The following SGCD variants were observed in gnomAD, a reference collection of about 807,000 sequenced individuals.
SGCD encodes the protein delta-sarcoglycan.
SGCD carries 18 observed loss-of-function variants against 36.6 expected under a neutral mutation model. The observed-to-expected ratio is 0.49, with a 90% CI of 0.34 to 0.73. The LOEUF is 0.73. Ranked by LOEUF, SGCD falls within the 30% of genes least tolerant of loss-of-function variation. The pLI is 0.01. For missense variants in SGCD, 387 were observed against 346.7 expected (o/e 1.12, Z -0.92); for synonymous variants, 133 against 130.6 (o/e 1.02, Z -0.12).
intron 3 of SGCD, among the ~76,000 whole-genome samples, chr5:156,381,632 T>C (rs571030034): frequency 6.6e-6 from 1 of 152,302 alleles, no homozygotes; most frequent in East Asian, 1.9e-4. Context: ...ATATGACACA[T>C]ATAGTTGAGC....
intron 1 of SGCD, among the ~76,000 whole-genome samples, chr5:155,878,704 C>T (rs528673984): frequency 6.6e-6 from 1 of 152,192 alleles, no homozygotes; most frequent in South Asian, 2.1e-4. Flanking sequence ...GATTGCCAGC[C>T]AATGGTGTCT....
chr5:156,643,108 C>A (rs1277890792), intron 6 of SGCD, among the ~76,000 whole-genome samples: 1 of 149,612 alleles, frequency 6.7e-6, no homozygotes, highest in Non-Finnish European at 1.5e-5. Context: ...TCTTGGCTCA[C>A]TGCAACCTCC....
intron 1 of SGCD, among the ~76,000 whole-genome samples, chr5:155,956,800 C>T (rs1047913057): frequency 1.5e-5 from 2 of 131,912 alleles, no homozygotes; most frequent in Non-Finnish European, 3.4e-5. Flanking sequence ...ACTCAGGGCC[C>T]CCCCCCCCGG....
chr5:156,627,238 G>A (rs1762471202), intron 6 of SGCD, among the ~76,000 whole-genome samples: 1 of 152,112 alleles, frequency 6.6e-6, no homozygotes, highest in African/African-American at 2.4e-5. Flanking sequence ...AGGGGTTTTT[G>A]CATTGCCTGA....
chr5:156,554,713 T>C lies in SGCD; in HGVS notation c.295-34518T>C, dbSNP rs139783174. Among the ~76,000 whole-genome samples the C allele has an allele frequency of 1.3e-3, 196 of 151,482 alleles. 1 individual carries two copies. The highest frequency in any genetic ancestry group is 2.5e-3 in the Non-Finnish European group (168 of 67,862). On this transcript the variant is annotated intron_variant, in intron 4 of 8. Transcript: ENST00000337851. ...GGTTTCAAGCATCCATTGTGGATCT[T>C]TGAATGTATTCCCTGAAGATAAGGG...
At chr5:156,423,248 A>AATATTATATTTTATTATAATATAACATT (rs1561685456) in intron 3 of SGCD, among the ~76,000 whole-genome samples, 2 of 83,216 alleles carry the variant, frequency 2.4e-5, no homozygotes, top group Non-Finnish European at 4.6e-5. Flanking sequence ...TATATTTTAT[A>AATATTATATTTTATTATAATATAACATT]ATATTATATT....
intron 1 of SGCD, among the ~76,000 whole-genome samples, chr5:155,892,635 G>C (rs529191592): frequency 2.0e-5 from 3 of 152,116 alleles, no homozygotes; most frequent in Non-Finnish European, 2.9e-5. Flanking sequence ...CTAGAATTTG[G>C]AATTTTTGTG....
chr5:155,869,622 T>G (rs965541653), upstream of SGCD, among the ~76,000 whole-genome samples: 7 of 150,028 alleles, frequency 4.7e-5, no homozygotes, highest in Admixed American at 3.4e-4. Flanking sequence ...TGGCACATTA[T>G]TAAGCTGTCT....
intron 3 of SGCD, among the ~76,000 whole-genome samples, chr5:156,363,287 T>G (rs1769906056): frequency 6.6e-6 from 1 of 152,220 alleles, no homozygotes; most frequent in Admixed American, 6.5e-5. Flanking sequence ...AACTCACGTA[T>G]TTCTAAAAGT....
chr5:156,076,850 C>A lies in SGCD; in HGVS notation c.-281-41028C>A, dbSNP rs527334586. ...GCTAGAGACACTTTTTGATGTGAAT[C>A]TGGAGCCTTCTGTATAAGGCGTCAA... is the stretch of plus-strand genomic sequence containing the variant. On this transcript the variant is annotated intron_variant, in intron 1 of 9. Transcript: ENST00000517913. Among the ~76,000 whole-genome samples the A allele has an allele frequency of 3.9e-5, 6 of 152,250 alleles. No homozygotes were observed. The East Asian group carries it at 1.2e-3, about 29-fold the overall frequency.
At chr5:156,186,292 G>A (rs1476012811) in intron 3 of SGCD, among the ~76,000 whole-genome samples, 2 of 152,054 alleles carry the variant, frequency 1.3e-5, no homozygotes, top group African/African-American at 4.8e-5. Flanking sequence ...TGTGACTGGT[G>A]GGTAGTTGGG....
chr5:156,202,095 A>G (rs898006534), intron 3 of SGCD, among the ~76,000 whole-genome samples: 4 of 152,176 alleles, frequency 2.6e-5, no homozygotes, highest in African/African-American at 9.7e-5. Flanking sequence ...AACATTTCTA[A>G]TACTCTGGTT....
the SGCD span, among the ~76,000 whole-genome samples, chr5:155,730,475 G>GTGTGTGTGTGTGTGTGTGTGTGT: frequency 1.6e-4 from 24 of 151,184 alleles, no homozygotes; most frequent in South Asian, 2.1e-4. Context: ...GTGTGTGTGT[G>GTGTGTGTGTGTGTGTGTGTGTGT]GCGAGGGGAA....
chr5:156,089,319 A>C (rs1414957269), intron 1 of SGCD, among the ~76,000 whole-genome samples: 2 of 152,200 alleles, frequency 1.3e-5, no homozygotes, highest in Non-Finnish European at 2.9e-5. Flanking sequence ...GAGTTTGGCC[A>C]TCATATTCTT....
intron 3 of SGCD, among the ~76,000 whole-genome samples, chr5:156,246,015 C>T (rs1561582219): frequency 6.6e-6 from 1 of 152,214 alleles, no homozygotes; most frequent in South Asian, 2.1e-4. Flanking sequence ...AGTGACAGGA[C>T]TCAGATTACA....
intron 2 of SGCD, 145 bp downstream of exon 2, chr5:156,329,724 A>T (rs1767975796): frequency 8.7e-6 from 7 of 803,900 alleles, no homozygotes; most frequent in Non-Finnish European, 3.8e-6. Flanking sequence ...TTTTTATTTT[A>T]AAAAATCTGC....
At chr5:156,063,434 T>C (rs1760284451) in intron 1 of SGCD, among the ~76,000 whole-genome samples, 1 of 112,472 alleles carries the variant, frequency 8.9e-6, no homozygotes, top group South Asian at 2.7e-4. Flanking sequence ...TTTGGTTCCA[T>C]ATGAACTTTA....
At chr5:156,292,651 A>G (rs1766788802) in intron 3 of SGCD, among the ~76,000 whole-genome samples, 1 of 152,080 alleles carries the variant, frequency 6.6e-6, no homozygotes, top group Admixed American at 6.6e-5. Context: ...TGATCACTCA[A>G]TTTTTAAGTT....
At chr5:155,858,555 A>G in the SGCD span, among the ~76,000 whole-genome samples, 1 of 152,226 alleles carries the variant, frequency 6.6e-6, no homozygotes, top group African/African-American at 2.4e-5. Context: ...TTTACAAAAT[A>G]TCCAACTTAG....
Sources: gnomAD v4.1 joint callset for allele counts (sites outside exome capture counted in the v4.1 genomes callset) on GRCh38, gnomAD v4.1.1 for gene constraint, MANE v1.5 for transcripts, NCBI Gene and HGNC (gene_info 2026-07-23, HGNC 2026-07-21) for gene names.